UNC5D: variants seen among roughly 807,000 people sequenced by gnomAD.
UNC5D encodes unc-5 netrin receptor D, also known as netrin receptor UNC5D.
A neutral mutation model predicts 105.4 loss-of-function variants in UNC5D; 39 were observed. The ratio of observed to expected loss-of-function variants is 0.37; its 90% CI spans 0.29 to 0.48. UNC5D has a LOEUF of 0.48. UNC5D is among the 20% of genes least tolerant of loss of function. The pLI, the probability that UNC5D is intolerant of heterozygous loss-of-function variation, is 0.98. For synonymous variants in UNC5D, 452 were observed against 450.4 expected (o/e 1.00, Z -0.04); for missense variants, 991 against 1,202.4 (o/e 0.82, Z 2.60).
intron 1 of UNC5D, among the ~76,000 whole-genome samples, chr8:35,247,617 A>G (rs1267243447): frequency 6.8e-5 from 6 of 88,000 alleles, no homozygotes; most frequent in East Asian, 3.1e-4. Flanking sequence ...TATATATTAT[A>G]TATAAAATAT....
chr8:35,434,579 A>G (rs905084560), intron 1 of UNC5D, among the ~76,000 whole-genome samples: 11 of 152,068 alleles, frequency 7.2e-5, no homozygotes, highest in Admixed American at 2.0e-4. Context: ...TTCTTCTTCC[A>G]CTTTAACTTT....
chr8:35,724,096 G>A (rs1442792803), intron 9 of UNC5D: 1 of 1,373,600 alleles, frequency 7.3e-7, no homozygotes, highest in Non-Finnish European at 9.4e-7. Context: ...TGGAGCACCA[G>A]GCAGCAGGTG....
chr8:35,425,478 A>G (rs144776560), intron 1 of UNC5D, among the ~76,000 whole-genome samples: 472 of 152,288 alleles, frequency 3.1e-3, no homozygotes, highest in Middle Eastern at 6.8e-3. Context: ...ACCCCGGTTA[A>G]AACACTGCTG....
intron 1 of UNC5D, chr8:35,255,155 T>G (rs558568244): frequency 6.6e-6 from 1 of 152,320 alleles, no homozygotes; most frequent in East Asian, 1.9e-4. Flanking sequence ...ATCCAGTCAC[T>G]CAAGTGCTAA....
intron 9 of UNC5D, among the ~76,000 whole-genome samples, chr8:35,725,090 G>T (rs1041652054): frequency 2.0e-5 from 3 of 152,172 alleles, no homozygotes; most frequent in Non-Finnish European, 2.9e-5. Context: ...TGGCGTTGCT[G>T]CAAATTATGA....
Position 35,235,856 on chromosome 8 carries a change from C to T in UNC5D, c.72C>T (p.Cys24=), listed in dbSNP as rs117154724. ...ARRWLPWLGL[C]FWAAGTAAAR... ...GCTGGCTCCCGTGGCTGGGGCTGTG[C>T]TTCTGGGCGGCAGGGACCGCGGCTG... The change falls in exon 1 of 17, where the codon TGC becomes TGT. Residue 24 remains cysteine (C), a synonymous_variant. Coordinates refer to ENST00000404895, the MANE Select transcript of UNC5D (RefSeq NM_080872.4). 4.1e-3 allele frequency: 5,051 copies of T among 1,230,330 alleles called. 261 individuals are homozygous for T. In the East Asian group the frequency reaches 0.12, roughly 30 times the overall value. The allele number at this position is 1,230,330 out of a possible 1,614,324, so 76.2% of individuals were successfully genotyped here.
intron 1 of UNC5D, among the ~76,000 whole-genome samples, chr8:35,400,334 T>C (rs1272946328): frequency 6.6e-6 from 1 of 152,090 alleles, no homozygotes; most frequent in Admixed American, 6.6e-5. Flanking sequence ...GAGTGTGTAG[T>C]TGTGTGCATA....
rs34368244 is a variant in UNC5D, at chr8:35,558,126, C to CAAAAA, written c.322+8632_322+8636dup. ...GGGCGACAAGAGTGAAACTTCGTCT[C>CAAAAA]AAAAAAAAAAAAAAAAAAAAGTCTC... On this transcript the variant is annotated intron_variant, in intron 2 of 16. Transcript: ENST00000404895. Among the ~76,000 whole-genome samples, 13 of 84,168 alleles carry CAAAAA rather than the reference C, an allele frequency of 1.5e-4. 1 individual carries two copies. The highest frequency in any genetic ancestry group is 4.2e-4 in the South Asian group (1 of 2,366). 55.2% of individuals were successfully genotyped at this position (84,168 alleles called of 152,430 possible). A position where few individuals can be genotyped will look rare whatever the true frequency, so the allele number is the denominator to read the frequency against.
At chr8:35,637,786 C>T (rs1048097709) in intron 4 of UNC5D, among the ~76,000 whole-genome samples, 1 of 152,280 alleles carries the variant, frequency 6.6e-6, no homozygotes, top group South Asian at 2.1e-4. Flanking sequence ...AAAGAGAGGA[C>T]TTCTCCATTC....
intron 7 of UNC5D, among the ~76,000 whole-genome samples, chr8:35,700,256 C>A (rs1325015103): frequency 6.6e-6 from 1 of 152,106 alleles, no homozygotes; most frequent in East Asian, 1.9e-4. Context: ...TAATCAATAA[C>A]CTCAATCTCT....
At chr8:35,720,689 G>A (rs1420355525) in intron 8 of UNC5D, among the ~76,000 whole-genome samples, 3 of 152,218 alleles carry the variant, frequency 2.0e-5, no homozygotes, top group Non-Finnish European at 4.4e-5. Context: ...GTTATGAGTG[G>A]TTGGAGAAGT....
At chr8:35,379,273 C>T (rs1563359954) in intron 1 of UNC5D, among the ~76,000 whole-genome samples, 1 of 152,172 alleles carries the variant, frequency 6.6e-6, no homozygotes, top group Non-Finnish European at 1.5e-5. Flanking sequence ...TTCTAGGACA[C>T]TGTGCATGTT....
At chr8:35,271,725 A>G (rs1805396829) in intron 1 of UNC5D, among the ~76,000 whole-genome samples, 2 of 123,314 alleles carry the variant, frequency 1.6e-5, no homozygotes, top group South Asian at 4.6e-4. Flanking sequence ...ATACATGTAT[A>G]CATGTATACA....
intron 3 of UNC5D, among the ~76,000 whole-genome samples, chr8:35,581,370 A>C (rs1466889373): frequency 6.6e-6 from 1 of 152,084 alleles, no homozygotes; most frequent in Non-Finnish European, 1.5e-5. Context: ...TCTACTGCCT[A>C]CCTGACACAT....
intron 1 of UNC5D, among the ~76,000 whole-genome samples, chr8:35,389,031 CA>C (rs1803607705): frequency 6.6e-6 from 1 of 152,284 alleles, no homozygotes; most frequent in East Asian, 1.9e-4. Flanking sequence ...TCAGAATTGA[CA>C]AGTGAACTTG....
intron 1 of UNC5D, among the ~76,000 whole-genome samples, chr8:35,352,937 C>T (rs1288471239): frequency 1.3e-5 from 2 of 152,070 alleles, no homozygotes; most frequent in Non-Finnish European, 2.9e-5. Context: ...TTAATAATGG[C>T]ACCTGACCGA....
chr8:35,609,839 G>A (rs1820557211), intron 4 of UNC5D, among the ~76,000 whole-genome samples: 1 of 152,086 alleles, frequency 6.6e-6, no homozygotes. Flanking sequence ...TAGCTGGTGG[G>A]GCCCCCAGTG....
At chr8:35,517,448 G>C (rs747024581) in intron 1 of UNC5D, among the ~76,000 whole-genome samples, 10 of 152,136 alleles carry the variant, frequency 6.6e-5, no homozygotes, top group Non-Finnish European at 7.4e-5. Flanking sequence ...AGTGAGACTG[G>C]GGATGGACCC....
intron 1 of UNC5D, chr8:35,254,447 A>C (rs965318264): frequency 6.6e-6 from 1 of 152,214 alleles, no homozygotes; most frequent in Admixed American, 6.5e-5. Flanking sequence ...CTGAACTATT[A>C]AAATGCTGTC....
Sources: gnomAD v4.1 joint callset for allele counts (sites outside exome capture counted in the v4.1 genomes callset) on GRCh38, gnomAD v4.1.1 for gene constraint, MANE v1.5 for transcripts, NCBI Gene and HGNC (gene_info 2026-07-23, HGNC 2026-07-21) for gene names.